Variants in CDYL2 observed in about 807,000 individuals in gnomAD.
The protein encoded by CDYL2 is chromodomain Y-like protein 2.
In CDYL2, 23 loss-of-function variants were observed where a neutral mutation model predicts 49.4. The observed-to-expected ratio is 0.47, with a 90% CI of 0.34 to 0.66. The LOEUF (loss-of-function observed/expected upper bound fraction) is 0.66, where lower values mean the gene tolerates loss of function less well. Among genes scored for constraint, CDYL2 ranks in the 30% least tolerant of loss-of-function variants. The pLI, the probability that CDYL2 is intolerant of heterozygous loss-of-function variation, is 0.01. For synonymous variants in CDYL2, 360 were observed against 268.8 expected, an observed-to-expected ratio of 1.34 and a Z score of -3.32; for missense variants, 678 against 656.4, an observed-to-expected ratio of 1.03 and a Z score of -0.36.
chr16:80,670,909 T>C (rs1267464696), intron 2 of CDYL2: 4 of 455,856 alleles, frequency 8.8e-6, no homozygotes, highest in South Asian at 1.5e-5. Flanking sequence ...AGGGGCTCTA[T>C]ACACAGGGGC....
intron 4 of CDYL2, among the ~76,000 whole-genome samples, chr16:80,615,502 C>A (rs961890637): frequency 6.6e-6 from 1 of 152,060 alleles, no homozygotes; most frequent in African/African-American, 2.4e-5. Flanking sequence ...TCCGCCTCTG[C>A]TGGACGTTTT....
intron 1 of CDYL2, among the ~76,000 whole-genome samples, chr16:80,703,292 T>C (rs554138840): frequency 4.6e-5 from 7 of 152,186 alleles, no homozygotes; most frequent in Non-Finnish European, 7.3e-5. Flanking sequence ...ATTTTAAAGG[T>C]TGATTTACCT....
chr16:80,761,058 CCATA>C (rs1194101299), intron 1 of CDYL2, among the ~76,000 whole-genome samples: 3 of 152,166 alleles, frequency 2.0e-5, no homozygotes, highest in Non-Finnish European at 4.4e-5. Context: ...GAAGAAAAAG[CCATA>C]CACTCAGTCC....
At chr16:80,685,181 C>T in intron 1 of CDYL2, 52 bp from the exon 2 acceptor site, 3 of 1,460,276 alleles carry the variant, frequency 2.1e-6, no homozygotes, top group Non-Finnish European at 2.8e-6. Flanking sequence ...GAGGAAAAAA[C>T]TCAGTTCGAG....
intron 1 of CDYL2, among the ~76,000 whole-genome samples, chr16:80,750,022 G>A (rs1435669815): frequency 6.6e-6 from 1 of 151,894 alleles, no homozygotes; most frequent in Non-Finnish European, 1.5e-5. Flanking sequence ...ACTCAGAGGT[G>A]GGAATTGAAC....
At chr16:80,791,672 A>G (rs1409439828) in intron 1 of CDYL2, among the ~76,000 whole-genome samples, 2 of 152,180 alleles carry the variant, frequency 1.3e-5, no homozygotes, top group African/African-American at 4.8e-5. Context: ...ATTTGGAAGG[A>G]TATGATTAAA....
intron 2 of CDYL2, among the ~76,000 whole-genome samples, chr16:80,642,943 C>T (rs1159187265): frequency 6.6e-6 from 1 of 152,100 alleles, no homozygotes; most frequent in Non-Finnish European, 1.5e-5. Context: ...CCTCATATTT[C>T]AAAAGCAATC....
At chr16:80,753,352 T>C (rs538603721) in intron 1 of CDYL2, among the ~76,000 whole-genome samples, 55 of 152,188 alleles carry the variant, frequency 3.6e-4, no homozygotes, top group African/African-American at 1.3e-3. Context: ...CTCACACCTG[T>C]AACCCCAGCA....
chr16:80,757,533 T>A (rs948112151), intron 1 of CDYL2, among the ~76,000 whole-genome samples: 3 of 132,020 alleles, frequency 2.3e-5, no homozygotes, highest in African/African-American at 1.1e-4. Context: ...AGCAAGACTC[T>A]GTCTCAAAAA....
chr16:80,692,141 A>G (rs1175289979), intron 1 of CDYL2, among the ~76,000 whole-genome samples: 2 of 152,252 alleles, frequency 1.3e-5, no homozygotes, highest in African/African-American at 4.8e-5. Flanking sequence ...ATCAAGTCAT[A>G]ATAGAAGAAA....
chr16:80,766,735 A>G (rs1906739745), intron 1 of CDYL2, among the ~76,000 whole-genome samples: 1 of 152,212 alleles, frequency 6.6e-6, no homozygotes, highest in Admixed American at 6.5e-5. Context: ...TCTAAGCTCT[A>G]GAAAATGACG....
chr16:80,714,537 T>C (rs1034833443), intron 1 of CDYL2, among the ~76,000 whole-genome samples: 2 of 152,110 alleles, frequency 1.3e-5, no homozygotes, highest in African/African-American at 2.4e-5. Flanking sequence ...ACCTGGCTGG[T>C]TACTCACTAT....
chr16:80,728,209 G>C (rs1403504073), intron 1 of CDYL2, among the ~76,000 whole-genome samples: 2 of 152,028 alleles, frequency 1.3e-5, no homozygotes, highest in Admixed American at 6.6e-5. Flanking sequence ...AAAAAATTTA[G>C]ACGAATGTAT....
At chr16:80,740,949 A>T (rs536672475) in intron 1 of CDYL2, among the ~76,000 whole-genome samples, 1 of 151,894 alleles carries the variant, frequency 6.6e-6, no homozygotes, top group South Asian at 2.1e-4. Flanking sequence ...AGCAATTTCA[A>T]TCAAAACCCC....
chr16:80,702,868 T>C (rs1904310160), intron 1 of CDYL2, among the ~76,000 whole-genome samples: 1 of 152,186 alleles, frequency 6.6e-6, no homozygotes. Context: ...CATCTTGGAC[T>C]TTCCATCCCA....
intron 2 of CDYL2, among the ~76,000 whole-genome samples, chr16:80,645,537 G>A (rs893336432): frequency 6.6e-6 from 1 of 152,150 alleles, no homozygotes; most frequent in South Asian, 2.1e-4. Flanking sequence ...ACTGTTGGTG[G>A]TACTGTAAAC....
At chr16:80,717,004 T>TGATG (rs60811461) in intron 1 of CDYL2, among the ~76,000 whole-genome samples, 32,247 of 147,272 alleles carry the variant, frequency 0.22, 5,291 homozygotes, top group African/African-American at 0.46. Flanking sequence ...ATGATTCAAT[T>TGATG]GATGGATGGA....
At chr16:80,712,138 CAT>C (rs1296806641) in intron 1 of CDYL2, among the ~76,000 whole-genome samples, 50 of 108,488 alleles carry the variant, frequency 4.6e-4, no homozygotes, top group East Asian at 9.9e-4. Context: ...TATGTGTGTA[CAT>C]ATATGTGTAT....
chr16:80,750,483 T>C (rs1362025793), intron 1 of CDYL2, among the ~76,000 whole-genome samples: 1 of 150,844 alleles, frequency 6.6e-6, no homozygotes, highest in Non-Finnish European at 1.5e-5. Flanking sequence ...ACATTATCTG[T>C]GAAAAAGAGG....
Sources: gnomAD v4.1 joint callset for allele counts (sites outside exome capture counted in the v4.1 genomes callset) on GRCh38, gnomAD v4.1.1 for gene constraint, MANE v1.5 for transcripts, NCBI Gene and HGNC (gene_info 2026-07-23, HGNC 2026-07-21) for gene names.